MYO3B: variants seen among roughly 807,000 people sequenced by gnomAD.
The protein encoded by MYO3B is myosin IIIB.
Under a neutral mutation model 174.6 loss-of-function variants are expected in MYO3B, and 156 were observed. That is an observed-to-expected ratio of 0.89 (90% CI 0.78 to 1.02). MYO3B has a LOEUF of 1.02. Among genes scored for constraint, MYO3B ranks in the 50% least tolerant of loss-of-function variants. The probability of loss-of-function intolerance (pLI) is 0.00; values close to 1 mark genes in which losing one functional copy is unlikely to be tolerated. For missense variants in MYO3B, 1,632 were observed against 1,639.4 expected (o/e 1.00, Z 0.08); for synonymous variants, 563 against 569.1 (o/e 0.99, Z 0.15).
At chr2:170,409,691 C>T (rs1362867243) in intron 22 of MYO3B, among the ~76,000 whole-genome samples, 1 of 152,212 alleles carries the variant, frequency 6.6e-6, no homozygotes, top group Non-Finnish European at 1.5e-5. Flanking sequence ...ACTTTTTAGG[C>T]AACGAGGGAA....
chr2:170,290,871 A>AC (rs2093590964), intron 7 of MYO3B, among the ~76,000 whole-genome samples: 3 of 130,378 alleles, frequency 2.3e-5, no homozygotes, highest in Middle Eastern at 3.7e-3. Context: ...CATGAGGCTT[A>AC]CAAAAAAAAA....
chr2:170,370,119 T>A (rs1322544544), intron 9 of MYO3B, among the ~76,000 whole-genome samples: 1 of 152,198 alleles, frequency 6.6e-6, no homozygotes, highest in East Asian at 1.9e-4. Context: ...TTAAAAAAAA[T>A]TAAATGCAAA....
At chr2:170,532,918 A>G (rs1050971690) in intron 30 of MYO3B, among the ~76,000 whole-genome samples, 1 of 147,174 alleles carries the variant, frequency 6.8e-6, no homozygotes, top group Non-Finnish European at 1.5e-5. Flanking sequence ...ATACAGAGAC[A>G]GAGAGAGGAC....
At chr2:170,646,734 G>A (rs1013394833) in intron 32 of MYO3B, among the ~76,000 whole-genome samples, 1 of 152,136 alleles carries the variant, frequency 6.6e-6, no homozygotes. Flanking sequence ...AGGAGGCAGG[G>A]AACCTGTGGA....
In MYO3B at chr2:170,567,871, A is replaced by C. The variant is rs924818857; in HGVS notation, c.3733+23883A>C. Among the ~76,000 whole-genome samples, 14 of 152,346 alleles carry C rather than the reference A, an allele frequency of 9.2e-5. No individual in the cohort carries two copies. In the East Asian group the frequency reaches 2.3e-3, roughly 25 times the overall value. On this transcript the variant is annotated intron_variant, in intron 32 of 34. Coordinates refer to ENST00000408978, the MANE Select transcript of MYO3B (RefSeq NM_138995.5). The stretch of plus-strand genomic sequence containing the variant: ...GCCATGCACATTTTTATGTGCTTTT[A>C]AGTAAACCTTTATATTCCATCTAAC...
intron 22 of MYO3B, among the ~76,000 whole-genome samples, chr2:170,442,476 T>C (rs2094807792): frequency 6.7e-6 from 1 of 149,928 alleles, no homozygotes; most frequent in Non-Finnish European, 1.5e-5. Context: ...TCCCTCTTCT[T>C]GTTATTTAGT....
intron 8 of MYO3B, chr2:170,350,504 T>C (rs903327192): frequency 2.0e-5 from 3 of 152,164 alleles, no homozygotes; most frequent in Non-Finnish European, 4.4e-5. Flanking sequence ...CACAGAAAGA[T>C]TGAAGAGAAG....
intron 7 of MYO3B, among the ~76,000 whole-genome samples, chr2:170,277,211 A>G (rs1416699215): frequency 6.6e-6 from 1 of 152,190 alleles, no homozygotes; most frequent in African/African-American, 2.4e-5. Context: ...GTTTAGCAGT[A>G]GGTTTGGGGG....
chr2:170,232,169 G>A (rs2093022303), intron 6 of MYO3B, among the ~76,000 whole-genome samples: 1 of 152,202 alleles, frequency 6.6e-6, no homozygotes, highest in Non-Finnish European at 1.5e-5. Flanking sequence ...GACAAGGGAA[G>A]AAAGACCATT....
chr2:170,382,929 A>C (rs2094346111), intron 10 of MYO3B, 144 bp from the exon 11 acceptor site: 1 of 598,836 alleles, frequency 1.7e-6, no homozygotes, highest in African/African-American at 1.8e-5. Context: ...AATTGGGATC[A>C]TTAGGGTCAT....
intron 7 of MYO3B, among the ~76,000 whole-genome samples, chr2:170,324,566 A>T (rs1378213616): frequency 6.6e-6 from 1 of 152,210 alleles, no homozygotes; most frequent in Non-Finnish European, 1.5e-5. Context: ...GAAATTCCTT[A>T]GAAGCTGGTT....
At chr2:170,414,487 G>C (rs919625372) in intron 22 of MYO3B, among the ~76,000 whole-genome samples, 7 of 152,186 alleles carry the variant, frequency 4.6e-5, no homozygotes, top group African/African-American at 7.2e-5. Flanking sequence ...ACGCCTGGCT[G>C]TAGGAAATCT....
chr2:170,199,363 C>T lies in MYO3B; in HGVS notation c.158C>T (p.Ala53Val), dbSNP rs1191869731. 6.2e-7 allele frequency: 1 copy of T among 1,611,482 alleles called. No individual in the cohort carries two copies. The highest frequency in any genetic ancestry group is 1.7e-5 in the Admixed American group (1 of 59,588). ...KVTNKRDGSL[A>V]AVKILDPVSD... ...ACTAACAAGAGAGATGGGAGCCTGGCTGCAGTGAAAATTCTGGATCCAGTC... is the reference window on the plus strand; with the variant it reads ...ACTAACAAGAGAGATGGGAGCCTGGTTGCAGTGAAAATTCTGGATCCAGTC... The change falls in exon 2 of 35, where the codon GCT becomes GTT. Residue 53 changes from alanine (A) to valine (V), a missense_variant. By Grantham distance (64) the Ala-to-Val change is moderately conservative. Transcript: ENST00000408978.
intron 32 of MYO3B, among the ~76,000 whole-genome samples, chr2:170,549,800 G>T (rs1468119279): frequency 6.6e-6 from 1 of 152,086 alleles, no homozygotes; most frequent in African/African-American, 2.4e-5. Context: ...TCACTATATC[G>T]GGCAAGACTA....
intron 32 of MYO3B, among the ~76,000 whole-genome samples, chr2:170,559,292 C>G (rs1175422296): frequency 6.6e-6 from 1 of 152,170 alleles, no homozygotes; most frequent in Non-Finnish European, 1.5e-5. Context: ...GTATTCTCCT[C>G]TTTGTTCTTT....
intron 12 of MYO3B, 59 bp downstream of exon 12, chr2:170,383,873 T>A: frequency 7.5e-7 from 1 of 1,338,256 alleles, no homozygotes; most frequent in South Asian, 1.2e-5. Flanking sequence ...TGTGTCTTCC[T>A]CGTCAACTCC....
At chr2:170,380,502 C>T (rs527552122) in intron 9 of MYO3B, among the ~76,000 whole-genome samples, 2 of 152,136 alleles carry the variant, frequency 1.3e-5, no homozygotes, top group Non-Finnish European at 2.9e-5. Flanking sequence ...CCACATTGCT[C>T]GCAACTCTGA....
chr2:170,610,672 T>TA (rs1028901490), intron 32 of MYO3B, among the ~76,000 whole-genome samples: 2 of 152,210 alleles, frequency 1.3e-5, no homozygotes, highest in Non-Finnish European at 2.9e-5. Context: ...TCTTATTACT[T>TA]ACTATTACTA....
chr2:170,454,875 G>A (rs1050948981), intron 23 of MYO3B, among the ~76,000 whole-genome samples: 2 of 152,184 alleles, frequency 1.3e-5, no homozygotes, highest in African/African-American at 2.4e-5. Context: ...AGGGGGGACA[G>A]TGCATTAGGA....
Sources: allele counts gnomAD v4.1 joint callset (sites outside exome capture counted in the v4.1 genomes callset), GRCh38; gene constraint gnomAD v4.1.1; transcripts MANE v1.5; gene names NCBI Gene and HGNC (gene_info 2026-07-23, HGNC 2026-07-21).